AUTS2: variants seen among roughly 807,000 people sequenced by gnomAD.
AUTS2 encodes autism susceptibility gene 2 protein.
A neutral mutation model predicts 112.4 loss-of-function variants in AUTS2; 17 were observed. The ratio of observed to expected loss-of-function variants is 0.15; its 90% CI spans 0.10 to 0.23. The LOEUF (loss-of-function observed/expected upper bound fraction) is 0.23, where lower values mean the gene tolerates loss of function less well. AUTS2 is among the 10% of genes least tolerant of loss of function. The pLI, the probability that AUTS2 is intolerant of heterozygous loss-of-function variation, is 1.00. For synonymous variants in AUTS2, 751 were observed against 702.7 expected (o/e 1.07, Z -1.09); for missense variants, 1,510 against 1,701.6 (o/e 0.89, Z 1.98).
intron 2 of AUTS2, among the ~76,000 whole-genome samples, chr7:70,045,994 G>A (rs1294948867): frequency 6.6e-6 from 1 of 152,008 alleles, no homozygotes; most frequent in Non-Finnish European, 1.5e-5. Flanking sequence ...AATAACAGAT[G>A]AGTACACTCA....
At chr7:70,053,603 G>T (rs1219494996) in intron 2 of AUTS2, among the ~76,000 whole-genome samples, 4 of 147,460 alleles carry the variant, frequency 2.7e-5, no homozygotes, top group Admixed American at 6.8e-5. Context: ...GAAGTGATGA[G>T]ATCATGGCTC....
At chr7:69,688,519 G>T (rs561237391) in intron 1 of AUTS2, among the ~76,000 whole-genome samples, 4 of 151,950 alleles carry the variant, frequency 2.6e-5, no homozygotes, top group African/African-American at 4.8e-5. Context: ...ACATATAATC[G>T]TACATATTTA....
intron 1 of AUTS2, among the ~76,000 whole-genome samples, chr7:69,872,424 T>C (rs1284519389): frequency 6.6e-6 from 1 of 152,226 alleles, no homozygotes; most frequent in Non-Finnish European, 1.5e-5. Flanking sequence ...AATATATCAG[T>C]GTCAAGTGTT....
intron 1 of AUTS2, among the ~76,000 whole-genome samples, chr7:69,632,006 G>A (rs757192431): frequency 2.6e-5 from 4 of 152,116 alleles, no homozygotes; most frequent in Non-Finnish European, 4.4e-5. Context: ...TGTTGTTCTG[G>A]TAATGCTGCA....
intron 1 of AUTS2, among the ~76,000 whole-genome samples, chr7:69,898,629 C>T (rs1024291995): frequency 6.6e-6 from 1 of 152,098 alleles, no homozygotes; most frequent in African/African-American, 2.4e-5. Context: ...ACATTGATTT[C>T]CCATTTCCTA....
rs188459338 is a variant in AUTS2, at chr7:69,936,955, C to G, written c.522+37457C>G. ...ACCCTCTTCTCTTCCTTTCCCCGCT[C>G]CCTGTTCTCTCTTCTCTTTCCCCCT... is the stretch of plus-strand genomic sequence containing the variant. On this transcript the variant is annotated intron_variant, in intron 2 of 18. Transcript: ENST00000342771. Among the ~76,000 whole-genome samples, 755 of 152,232 alleles carry G rather than the reference C, an allele frequency of 5.0e-3. 4 individuals are homozygous for G. The highest frequency in any genetic ancestry group is 0.014 in the African/African-American group (588 of 41,522).
intron 5 of AUTS2, among the ~76,000 whole-genome samples, chr7:70,600,124 C>T (rs998669413): frequency 6.6e-6 from 1 of 152,226 alleles, no homozygotes; most frequent in African/African-American, 2.4e-5. Context: ...GCCCAAGTTT[C>T]AGAACCACTG....
chr7:70,761,143 C>A (rs1248445101), intron 6 of AUTS2, among the ~76,000 whole-genome samples: 1 of 152,108 alleles, frequency 6.6e-6, no homozygotes, highest in East Asian at 1.9e-4. Context: ...TACAACAGTA[C>A]GTAAACAGAA....
chr7:69,721,277 A>G (rs1798920758), intron 1 of AUTS2, among the ~76,000 whole-genome samples: 1 of 152,092 alleles, frequency 6.6e-6, no homozygotes, highest in African/African-American at 2.4e-5. Flanking sequence ...CTGTGCCTAG[A>G]ATGCTCTTAC....
intron 2 of AUTS2, among the ~76,000 whole-genome samples, chr7:69,947,983 A>G (rs955252813): frequency 6.6e-6 from 1 of 152,210 alleles, no homozygotes; most frequent in Admixed American, 6.5e-5. Context: ...GTTTTTAAAT[A>G]TGCTTTAGAA....
At chr7:70,643,672 G>T (rs1370822786) in intron 5 of AUTS2, among the ~76,000 whole-genome samples, 1 of 152,162 alleles carries the variant, frequency 6.6e-6, no homozygotes, top group Non-Finnish European at 1.5e-5. Flanking sequence ...CCTAAGACAG[G>T]TCTCTGGGAA....
rs370927087 is a variant in AUTS2 at position 69,895,653 on chromosome 7, C to T, written c.310-3633C>T. Among the ~76,000 whole-genome samples the T allele has an allele frequency of 3.9e-5, 6 of 151,982 alleles. No individual in the cohort carries two copies. The East Asian group carries it at 1.2e-3, about 30-fold the overall frequency. ...CAAGCTAATGTCACGGCATGGGGTC[C>T]ATTTGCTCTGTGTAGCTATTCTGCA... On this transcript the variant is annotated intron_variant, in intron 1 of 18. Coordinates refer to ENST00000342771, the MANE Select transcript of AUTS2 (RefSeq NM_015570.4).
intron 2 of AUTS2, among the ~76,000 whole-genome samples, chr7:70,001,999 C>T (rs1799220267): frequency 6.6e-6 from 1 of 152,166 alleles, no homozygotes; most frequent in African/African-American, 2.4e-5. Flanking sequence ...GCGTGAGCCA[C>T]CACACCCGGC....
At chr7:70,695,915 G>A (rs1809066166) in intron 5 of AUTS2, among the ~76,000 whole-genome samples, 1 of 152,184 alleles carries the variant, frequency 6.6e-6, no homozygotes, top group Non-Finnish European at 1.5e-5. Flanking sequence ...AAGGAAGTGA[G>A]TAAAATCTTC....
At chr7:70,561,352 G>T (rs1801476990) in intron 5 of AUTS2, among the ~76,000 whole-genome samples, 1 of 152,228 alleles carries the variant, frequency 6.6e-6, no homozygotes, top group Non-Finnish European at 1.5e-5. Context: ...ATAGGGCCAA[G>T]CACAGGGACT....
At chr7:70,590,156 ATG>A (rs1180213474) in intron 5 of AUTS2, among the ~76,000 whole-genome samples, 2,080 of 97,430 alleles carry the variant, frequency 0.021, 55 homozygotes, top group African/African-American at 0.085. Context: ...GTGTGTATGT[ATG>A]TATATATATA....
chr7:70,503,469 G>A (rs1048460366), intron 5 of AUTS2, among the ~76,000 whole-genome samples: 1 of 151,598 alleles, frequency 6.6e-6, no homozygotes, highest in East Asian at 1.9e-4. Flanking sequence ...GAGAGGTTGA[G>A]GTGGGAGGAT....
intron 1 of AUTS2, among the ~76,000 whole-genome samples, chr7:69,647,767 G>C (rs1388604134): frequency 1.3e-5 from 2 of 152,202 alleles, no homozygotes; most frequent in Non-Finnish European, 2.9e-5. Context: ...AGTTTTGGAG[G>C]CTAGGAAATG....
chr7:70,304,894 G>T (rs1789422449), intron 4 of AUTS2, among the ~76,000 whole-genome samples: 1 of 151,900 alleles, frequency 6.6e-6, no homozygotes, highest in South Asian at 2.1e-4. Context: ...CAGTGACATA[G>T]TTGCATTCTA....
Sources: allele counts gnomAD v4.1 joint callset (sites outside exome capture counted in the v4.1 genomes callset), GRCh38; gene constraint gnomAD v4.1.1; transcripts MANE v1.5; gene names NCBI Gene and HGNC (gene_info 2026-07-23, HGNC 2026-07-21).